Variants in SELENON observed in about 807,000 individuals in gnomAD.
The protein encoded by SELENON is selenoprotein N.
In SELENON, 44 loss-of-function variants were observed where a neutral mutation model predicts 59.5. That is an observed-to-expected ratio of 0.74 (90% CI 0.58 to 0.95). The LOEUF (loss-of-function observed/expected upper bound fraction) is 0.95, where lower values mean the gene tolerates loss of function less well. Ranked by LOEUF, SELENON falls within the 40% of genes least tolerant of loss-of-function variation. The pLI is 0.00. For synonymous variants in SELENON, 320 were observed against 305.6 expected, an observed-to-expected ratio of 1.05 and a Z score of -0.49; for missense variants, 674 against 721.4, an observed-to-expected ratio of 0.93 and a Z score of 0.75.
rs1247815266 is a variant in SELENON at position 25,815,432 on chromosome 1, TC to T, written c.1603-115del. ...CAGCACTGCCTGCCCACCATCCACCTCAGACAAGGACAGTCAAGGCCTGATA... is the reference window on the plus strand; with the variant it reads ...CAGCACTGCCTGCCCACCATCCACCTAGACAAGGACAGTCAAGGCCTGATA... On this transcript the variant is annotated intron_variant, in intron 12 of 12. Transcript: ENST00000361547. 1.0e-5 allele frequency: 9 copies of T among 889,460 alleles called. No homozygotes were observed. The Admixed American group carries it at 1.7e-4, about 17-fold the overall frequency. The allele number at this position is 889,460 out of a possible 1,614,324, so 55.1% of individuals were successfully genotyped here.
intron 10 of SELENON, 134 bp downstream of exon 9, chr1:25,812,926 G>A (rs1212843059): frequency 1.8e-5 from 12 of 675,818 alleles, no homozygotes; most frequent in South Asian, 1.3e-4. Context: ...TAGGGGCGTG[G>A]GGTGAGGGCT....
rs2048017719 is a variant in SELENON, at chr1:25,817,072, C to G, written c.*1354C>G. 6.6e-6 allele frequency: 1 copy of G among 152,000 alleles called. No individual in the cohort carries two copies. The highest frequency in any genetic ancestry group is 1.5e-5 in the Non-Finnish European group (1 of 68,050). The allele number at this position is 152,000 out of a possible 1,614,324, so 9.4% of individuals were successfully genotyped here. A position where few individuals can be genotyped will look rare whatever the true frequency, so the allele number is the denominator to read the frequency against. ...CCCAGTTCTCTCCCCACCCCCTCACCCCACCCGGGGCTCACTCAGCCTGGC... is the reference window on the plus strand; with the variant it reads ...CCCAGTTCTCTCCCCACCCCCTCACGCCACCCGGGGCTCACTCAGCCTGGC... On this transcript the variant is annotated 3_prime_UTR_variant, in exon 13 of 13. Transcript: ENST00000361547.
chr1:25,811,554 C>T lies in SELENON; in HGVS notation c.1092+19C>T. 6.2e-7 allele frequency: 1 copy of T among 1,613,142 alleles called. No homozygotes were observed. Among genetic ancestry groups the T allele is most frequent in the South Asian group, 1.1e-5 (1 of 91,058 alleles). ...ACCCCAGGTGAGCGCACAGGAGGCT[C>T]CCATCCAGGTGGGCTCGGCTGCAGG... On this transcript the variant is annotated intron_variant, in intron 8 of 12. Transcript: ENST00000361547.
At chr1:25,801,205 A>C in intron 2 of SELENON, 45 bp downstream of exon 2, 2 of 1,478,038 alleles carry the variant, frequency 1.4e-6, no homozygotes, top group Non-Finnish European at 1.9e-6. Flanking sequence ...GCCTTGGCCA[A>C]CGGTGTCTTC....
Position 25,812,685 on chromosome 1 carries a change from A to C in SELENON, c.1282-2A>C. Reference sequence around the variant, plus strand: ...CTTCGCTCTGTCTCGGTGTGGCCCCAGGTCTCCTACTTGCCGTTCACTGAG... The same window carrying C: ...CTTCGCTCTGTCTCGGTGTGGCCCCCGGTCTCCTACTTGCCGTTCACTGAG... On this transcript the variant is annotated splice_acceptor_variant, in intron 9 of 12. Coordinates refer to ENST00000361547, the MANE Select transcript of SELENON (RefSeq NM_020451.3). LOFTEE classifies it high-confidence loss of function. The C allele has an allele frequency of 1.9e-6, 3 of 1,607,636 alleles. No homozygotes were observed. In the South Asian group the frequency reaches 3.3e-5, roughly 18 times the overall value.
chr1:25,813,963 G>A lies in SELENON; in HGVS notation c.1470G>A (p.Trp490Ter). 6.2e-7 allele frequency: 1 copy of A among 1,614,144 alleles called. No homozygotes were observed. The highest frequency in any genetic ancestry group is 8.5e-7 in the Non-Finnish European group (1 of 1,180,012). The change falls in exon 11 of 13, where the codon TGG becomes TGA. Residue 490 changes from tryptophan to a stop codon, truncating the protein, a stop_gained. Transcript: ENST00000361547. LOFTEE classifies it high-confidence loss of function. The stretch of plus-strand genomic sequence containing the variant: ...TCAACGAGAGCTTCATCAGCACCTG[G>A]TCCCTGGTGAAGGAGCTGGAGGAAC...
intron 9 of SELENON, 42 bp from the exon 9 acceptor site, chr1:25,812,645 C>A: frequency 6.6e-7 from 1 of 1,521,308 alleles, no homozygotes; most frequent in Non-Finnish European, 9.0e-7. Context: ...GGGACCCTGG[C>A]CGCTTTGATG....
intron 7 of SELENON, 30 bp downstream of exon 6, chr1:25,809,850 C>A: frequency 6.2e-7 from 1 of 1,610,388 alleles, no homozygotes; most frequent in Non-Finnish European, 8.5e-7. Context: ...CCAGCCTTGG[C>A]TCCCTCCTAC....
rs1333001112 is a variant in SELENON, at chr1:25,811,453, G to C, written c.1011-1G>C. 1 of 1,613,614 alleles carries C rather than the reference G, an allele frequency of 6.2e-7. No individual in the cohort carries two copies. Among genetic ancestry groups the C allele is most frequent in the Admixed American group, 1.7e-5 (1 of 60,026 alleles). ...GTGTCACTCTGCCCTGGCCATCCCA[G>C]GTCTCTGAATGTGGACATGGAGTGG... On this transcript the variant is annotated splice_acceptor_variant, in intron 7 of 12. Transcript: ENST00000361547. LOFTEE classifies it high-confidence loss of function.
In SELENON at chr1:25,812,562, CAA is replaced by C. The variant is rs751498637; in HGVS notation, c.1282-123_1282-122del. 6.9e-3 allele frequency: 3,999 copies of C among 581,186 alleles called. 13 individuals are homozygous for C. The highest frequency in any genetic ancestry group is 8.8e-3 in the Non-Finnish European group (2,949 of 335,496). 36.0% of individuals were successfully genotyped at this position (581,186 alleles called of 1,614,324 possible). ...ACACACAAATATATATGCCTACACA[CAA>C]ACACACACACACACACACACACACA... On this transcript the variant is annotated intron_variant, in intron 9 of 12. Coordinates refer to ENST00000361547, the MANE Select transcript of SELENON (RefSeq NM_020451.3).
chr1:25,812,175 T>C (rs2047967005), intron 9 of SELENON, among the ~76,000 whole-genome samples: 1 of 151,976 alleles, frequency 6.6e-6, no homozygotes, highest in Admixed American at 6.5e-5. Context: ...ACCCCATATC[T>C]ACAAAAGAAT....
In SELENON at chr1:25,816,857, A is replaced by C. The variant is rs2048015579; in HGVS notation, c.*1139A>C. On this transcript the variant is annotated 3_prime_UTR_variant, in exon 13 of 13. Transcript: ENST00000361547. ...TGAATCCGAAATCCTCGATGGGTCC[A>C]GCTTGATGTCTTTGCAGCTGCACCT... The C allele has an allele frequency of 1.3e-5, 2 of 152,662 alleles. No homozygotes were observed. Among genetic ancestry groups the C allele is most frequent in the South Asian group, 4.1e-4 (2 of 4,832 alleles). 9.5% of individuals were successfully genotyped at this position (152,662 alleles called of 1,614,324 possible). A position where few individuals can be genotyped will look rare whatever the true frequency, so the allele number is the denominator to read the frequency against.
rs1328053475 is a variant in SELENON, at chr1:25,816,252, G to A, written c.*534G>A. On this transcript the variant is annotated 3_prime_UTR_variant, in exon 13 of 13. Coordinates refer to ENST00000361547, the MANE Select transcript of SELENON (RefSeq NM_020451.3). ...CTCCTGTGCCTGATGTCCCCAGCTG[G>A]GGTCAGTCTCAACAGGAGCCAGTCT... 6.4e-6 allele frequency: 1 copy of A among 155,480 alleles called. No homozygotes were observed. Among genetic ancestry groups the A allele is most frequent in the Non-Finnish European group, 1.4e-5 (1 of 70,028 alleles). The allele number at this position is 155,480 out of a possible 1,614,324, so 9.6% of individuals were successfully genotyped here.
chr1:25,805,081 T>A, intron 3 of SELENON, 61 bp from the exon 3 acceptor site: 1 of 1,607,792 alleles, frequency 6.2e-7, no homozygotes, highest in Non-Finnish European at 8.5e-7. Context: ...GTGTGGATGA[T>A]GAGGGAGAGG....
rs794726949 is a variant in SELENON at position 25,800,427 on chromosome 1, C to G, written c.183+14C>G. The G allele has an allele frequency of 3.8e-5, 42 of 1,095,190 alleles. No individual in the cohort carries two copies. The highest frequency in any genetic ancestry group is 1.0e-4 in the Admixed American group (2 of 19,488). 67.8% of individuals were successfully genotyped at this position (1,095,190 alleles called of 1,614,324 possible). On this transcript the variant is annotated intron_variant, in intron 1 of 12. Transcript: ENST00000361547. ...GCCGCGCGGCAGGTCCGGGCCCGAG[C>G]TGGCTGGGGCGGGAGCGCGGGAGCG...
intron 5 of SELENON, 100 bp from the exon 5 acceptor site, chr1:25,808,926 A>G: frequency 1.9e-6 from 3 of 1,592,714 alleles, no homozygotes; most frequent in Admixed American, 1.7e-5. Flanking sequence ...CCCCCTCCCC[A>G]TGGGGCCCCT....
At chr1:25,814,921 T>C (rs1194269264) in intron 12 of SELENON, among the ~76,000 whole-genome samples, 1 of 151,946 alleles carries the variant, frequency 6.6e-6, no homozygotes, top group African/African-American at 2.4e-5. Flanking sequence ...CAGTGAGGGT[T>C]TGGTGTAAAG....
chr1:25,803,394 T>C (rs1312135121), intron 3 of SELENON, among the ~76,000 whole-genome samples: 3 of 152,160 alleles, frequency 2.0e-5, no homozygotes, highest in Non-Finnish European at 2.9e-5. Context: ...GGGAATCAAA[T>C]CCAAGCAGGA....
At chr1:25,815,463 C>A in intron 12 of SELENON, 85 bp from the exon 12 acceptor site, 1 of 1,180,122 alleles carries the variant, frequency 8.5e-7, no homozygotes, top group Non-Finnish European at 1.3e-6. Context: ...CTGATAGCAT[C>A]CCTGCTTCTC....
Sources: gnomAD v4.1 joint callset for allele counts (sites outside exome capture counted in the v4.1 genomes callset) on GRCh38, gnomAD v4.1.1 for gene constraint, MANE v1.5 for transcripts, NCBI Gene and HGNC (gene_info 2026-07-23, HGNC 2026-07-21) for gene names.